UTRN: variants seen among roughly 807,000 people sequenced by gnomAD.
The protein encoded by UTRN is utrophin.
A neutral mutation model predicts 463.9 loss-of-function variants in UTRN; 283 were observed. The ratio of observed to expected loss-of-function variants is 0.61; its 90% CI spans 0.55 to 0.67. The LOEUF (loss-of-function observed/expected upper bound fraction) is 0.67. Among genes scored for constraint, UTRN ranks in the 30% least tolerant of loss-of-function variants. The pLI is 0.00. For missense variants in UTRN, 3,922 were observed against 4,084.3 expected (o/e 0.96, Z 1.08); for synonymous variants, 1,442 against 1,431.5 (o/e 1.01, Z -0.17).
intron 58 of UTRN, among the ~76,000 whole-genome samples, chr6:144,766,150 C>T (rs995743866): frequency 6.6e-6 from 1 of 152,004 alleles, no homozygotes; most frequent in Non-Finnish European, 1.5e-5. Context: ...CACACACAAG[C>T]ACGTGCACAG....
At chr6:144,839,119 TC>T (rs1420624022) in intron 71 of UTRN, 53 bp from the exon 72 acceptor site, 1 of 1,411,728 alleles carries the variant, frequency 7.1e-7, no homozygotes, top group African/African-American at 1.4e-5. Flanking sequence ...GAAATGTTTT[TC>T]CTTATGATTA....
At chr6:144,534,450 G>A (rs1010350459) in intron 43 of UTRN, among the ~76,000 whole-genome samples, 1 of 152,174 alleles carries the variant, frequency 6.6e-6, no homozygotes, top group Non-Finnish European at 1.5e-5. Context: ...GAACTCTCTG[G>A]CCAAAGTGTC....
intron 2 of UTRN, among the ~76,000 whole-genome samples, chr6:144,306,966 A>G (rs1805797300): frequency 6.6e-6 from 1 of 151,844 alleles, no homozygotes. Context: ...TCAGGAGGCT[A>G]AGGCATGGGA....
chr6:144,373,084 T>G (rs1049597810), intron 2 of UTRN, among the ~76,000 whole-genome samples: 2 of 152,310 alleles, frequency 1.3e-5, no homozygotes, highest in African/African-American at 4.8e-5. Flanking sequence ...TAAAATAGTG[T>G]AGCAGTTTTG....
intron 51 of UTRN, among the ~76,000 whole-genome samples, chr6:144,677,018 A>G (rs1442710589): frequency 6.6e-6 from 1 of 152,216 alleles, no homozygotes; most frequent in African/African-American, 2.4e-5. Flanking sequence ...TGAATCTGAT[A>G]TACCAACATC....
At chr6:144,544,833 C>T (rs1001702657) in intron 46 of UTRN, among the ~76,000 whole-genome samples, 4 of 152,184 alleles carry the variant, frequency 2.6e-5, no homozygotes, top group Non-Finnish European at 5.9e-5. Context: ...ACCAGCTCCT[C>T]CACTTATGCA....
intron 1 of UTRN, among the ~76,000 whole-genome samples, chr6:144,287,889 T>C (rs1414228709): frequency 1.3e-5 from 2 of 152,246 alleles, no homozygotes; most frequent in East Asian, 3.9e-4. Context: ...TTGAAGCTTC[T>C]AAAGCAACAT....
chr6:144,624,126 A>T (rs1336830257), intron 51 of UTRN, among the ~76,000 whole-genome samples: 1 of 152,170 alleles, frequency 6.6e-6, no homozygotes, highest in East Asian at 1.9e-4. Flanking sequence ...TGGCTTGGGA[A>T]TGGGATGAAG....
At chr6:144,333,571 A>C (rs1776492290) in intron 2 of UTRN, among the ~76,000 whole-genome samples, 1 of 152,222 alleles carries the variant, frequency 6.6e-6, no homozygotes, top group South Asian at 2.1e-4. Context: ...GGAAAATCTA[A>C]AGGTGGATTG....
chr6:144,640,500 A>G (rs1325170592), intron 51 of UTRN, among the ~76,000 whole-genome samples: 1 of 152,188 alleles, frequency 6.6e-6, no homozygotes, highest in Non-Finnish European at 1.5e-5. Flanking sequence ...TACTAAGATC[A>G]TGAATTTAGA....
chr6:144,548,859 G>A lies in UTRN; in HGVS notation c.6810+5G>A. 3 of 1,613,412 alleles carry A rather than the reference G, an allele frequency of 1.9e-6. No homozygotes were observed. Among genetic ancestry groups the A allele is most frequent in the Non-Finnish European group, 2.5e-6 (3 of 1,179,714 alleles). ...AAGACCGTTTCCCGAATGAAAGTAG[G>A]TGCATAGTGTAAAAGCTTGTCATGG... is the stretch of plus-strand genomic sequence containing the variant. On this transcript the variant is annotated splice_donor_5th_base_variant and intron_variant, in intron 47 of 74. Transcript: ENST00000367545.
intron 51 of UTRN, among the ~76,000 whole-genome samples, chr6:144,594,256 A>C (rs369359324): frequency 2.0e-5 from 3 of 149,700 alleles, no homozygotes; most frequent in African/African-American, 7.3e-5. Context: ...TTTGCTCTTA[A>C]AGTGCTTTAA....
intron 53 of UTRN, among the ~76,000 whole-genome samples, chr6:144,724,963 T>C (rs1476997877): frequency 6.6e-6 from 1 of 152,206 alleles, no homozygotes; most frequent in Non-Finnish European, 1.5e-5. Flanking sequence ...TGTGTAGAAT[T>C]GCTGGGTCAT....
intron 65 of UTRN, among the ~76,000 whole-genome samples, chr6:144,806,430 A>G (rs1778153577): frequency 1.3e-5 from 2 of 152,334 alleles, no homozygotes; most frequent in Non-Finnish European, 2.9e-5. Flanking sequence ...GCCTACTTAT[A>G]AATCATCTGT....
rs771965445 is a variant in UTRN at position 144,516,231 on chromosome 6, G to C, written c.5247G>C (p.Leu1749Phe). 7 of 1,610,982 alleles carry C rather than the reference G, an allele frequency of 4.3e-6. No individual in the cohort carries two copies. In the Admixed American group the frequency reaches 5.1e-5, roughly 12 times the overall value. Residue 1749 changes from leucine (L) to phenylalanine (F), a missense_variant and splice_region_variant, in exon 38 of 75, where the codon TTG becomes TTC. Around this residue, in one of 3 missense-constraint regions of UTRN, gnomAD observed 2,349 missense variants for 2,303.8 expected, o/e 1.02. Transcript: ENST00000367545. ...KVSQHIKSAK[L>F]LIAQEPLYQC... Reference sequence around the variant, plus strand: ...AGAGAATTCTTTTCCTTCTACAGTTGCTAATTGCTCAGGAACCATTATACC... The same window carrying C: ...AGAGAATTCTTTTCCTTCTACAGTTCCTAATTGCTCAGGAACCATTATACC...
intron 39 of UTRN, among the ~76,000 whole-genome samples, chr6:144,517,627 G>C (rs907539225): frequency 6.6e-6 from 1 of 152,130 alleles, no homozygotes; most frequent in East Asian, 1.9e-4. Context: ...TAAGTAGATC[G>C]ATTATGGTAC....
intron 2 of UTRN, among the ~76,000 whole-genome samples, chr6:144,292,330 C>T (rs537091556): frequency 6.6e-6 from 1 of 152,336 alleles, no homozygotes; most frequent in African/African-American, 2.4e-5. Context: ...CTGTTCATAG[C>T]CATTGATAGG....
intron 35 of UTRN, among the ~76,000 whole-genome samples, chr6:144,512,569 T>C (rs79305039): frequency 6.6e-6 from 1 of 152,006 alleles, no homozygotes; most frequent in African/African-American, 2.4e-5. Flanking sequence ...TTTTTTTTTT[T>C]CTGAGGCTGG....
chr6:144,761,300 C>G (rs1423959224), intron 58 of UTRN, among the ~76,000 whole-genome samples: 1 of 152,068 alleles, frequency 6.6e-6, no homozygotes, highest in African/African-American at 2.4e-5. Flanking sequence ...TGAAACTGAT[C>G]TAGTTATTTC....
Sources: gnomAD v4.1 joint callset for allele counts (sites outside exome capture counted in the v4.1 genomes callset) on GRCh38, gnomAD v4.1.1 for gene constraint, gnomAD v4.1.1 regional missense constraint, MANE v1.5 for transcripts, NCBI Gene and HGNC (gene_info 2026-07-23, HGNC 2026-07-21) for gene names.